HMBOX1: variants seen among roughly 807,000 people sequenced by gnomAD.
The protein encoded by HMBOX1 is homeobox-containing protein 1.
A neutral mutation model predicts 54.5 loss-of-function variants in HMBOX1; 14 were observed. The observed-to-expected ratio is 0.26, with a 90% CI of 0.17 to 0.40. The LOEUF is 0.40. Among genes scored for constraint, HMBOX1 ranks in the 10% least tolerant of loss-of-function variants. The pLI, the probability that HMBOX1 is intolerant of heterozygous loss-of-function variation, is 1.00. For missense variants in HMBOX1, 332 were observed against 514.4 expected (o/e 0.65, Z 3.43); for synonymous variants, 160 against 181.0 (o/e 0.88, Z 0.93).
intron 6 of HMBOX1, among the ~76,000 whole-genome samples, chr8:29,033,287 A>G (rs577450122): frequency 5.9e-5 from 9 of 152,238 alleles, no homozygotes; most frequent in Non-Finnish European, 1.2e-4. Context: ...TTTTAAAAGA[A>G]GTTTATCCTC....
Position 29,052,226 on chromosome 8 carries a change from T to C in HMBOX1, c.*1071T>C, listed in dbSNP as rs950804804. On this transcript the variant is annotated 3_prime_UTR_variant, in exon 10 of 10. Coordinates refer to ENST00000287701, the MANE Select transcript of HMBOX1 (RefSeq NM_001135726.3). ...GGACTTCATAGTGGGGTTGTGCTGCTTATCACAGATGCAGACACTTGCCCA... is the reference window on the plus strand; with the variant it reads ...GGACTTCATAGTGGGGTTGTGCTGCCTATCACAGATGCAGACACTTGCCCA... The C allele has an allele frequency of 2.0e-5, 3 of 152,460 alleles. No individual in the cohort carries two copies. The highest frequency in any genetic ancestry group is 4.4e-5 in the Non-Finnish European group (3 of 68,204). 9.4% of individuals were successfully genotyped at this position (152,460 alleles called of 1,614,324 possible).
At chr8:28,967,546 C>G (rs990773849) in intron 2 of HMBOX1, among the ~76,000 whole-genome samples, 2 of 152,122 alleles carry the variant, frequency 1.3e-5, no homozygotes, top group African/African-American at 4.8e-5. Context: ...TAACTAACTG[C>G]TCTGATATGA....
At chr8:28,990,606 TTTAC>T (rs1260743217) in intron 4 of HMBOX1, among the ~76,000 whole-genome samples, 1 of 152,144 alleles carries the variant, frequency 6.6e-6, no homozygotes, top group Non-Finnish European at 1.5e-5. Context: ...GGGTTTATGT[TTTAC>T]TTCCTGTGTT....
chr8:29,049,294 C>CT (rs1304002558), intron 9 of HMBOX1: 1 of 1,535,862 alleles, frequency 6.5e-7, no homozygotes, highest in Admixed American at 2.0e-5. Flanking sequence ...CAACAGGATA[C>CT]TTGGCAAGTA....
intron 4 of HMBOX1, among the ~76,000 whole-genome samples, chr8:29,004,456 T>C (rs1554567989): frequency 6.6e-6 from 1 of 152,146 alleles, no homozygotes; most frequent in Non-Finnish European, 1.5e-5. Flanking sequence ...AAATTTGTGG[T>C]ATTGGAGACT....
intron 6 of HMBOX1, among the ~76,000 whole-genome samples, chr8:29,039,257 A>G (rs775455902): frequency 1.6e-4 from 25 of 152,204 alleles, no homozygotes; most frequent in Non-Finnish European, 2.8e-4. Context: ...AGGACTCAAC[A>G]TTATTAGGTG....
intron 1 of HMBOX1, among the ~76,000 whole-genome samples, chr8:28,918,891 C>G (rs915192256): frequency 6.6e-6 from 1 of 152,160 alleles, no homozygotes; most frequent in African/African-American, 2.4e-5. Context: ...TGTGTAAAGT[C>G]ATAACCCTGT....
At chr8:28,949,813 T>G (rs1823083950) in intron 1 of HMBOX1, 1 of 152,198 alleles carries the variant, frequency 6.6e-6, no homozygotes, top group Admixed American at 6.5e-5. Context: ...ATATGTGTGG[T>G]GCTGTACTAG....
At chr8:28,949,800 AAT>A (rs1485448611) in intron 1 of HMBOX1, 1 of 152,088 alleles carries the variant, frequency 6.6e-6, no homozygotes, top group Non-Finnish European at 1.5e-5. Flanking sequence ...GGATAACAGA[AAT>A]ATATGTGTGG....
At chr8:28,939,831 C>T (rs1172130433) in intron 1 of HMBOX1, among the ~76,000 whole-genome samples, 1 of 152,016 alleles carries the variant, frequency 6.6e-6, no homozygotes, top group Non-Finnish European at 1.5e-5. Flanking sequence ...TAAAAAACAC[C>T]AGCCCTAACC....
chr8:28,934,058 T>C (rs1306677485), intron 1 of HMBOX1, among the ~76,000 whole-genome samples: 2 of 152,156 alleles, frequency 1.3e-5, no homozygotes, highest in African/African-American at 2.4e-5. Flanking sequence ...CAGAAATCCT[T>C]AATAAAATAT....
chr8:29,047,629 G>A (rs577846128), intron 8 of HMBOX1, among the ~76,000 whole-genome samples, 176 bp downstream of exon 8: 54 of 147,978 alleles, frequency 3.6e-4, no homozygotes, highest in Non-Finnish European at 6.5e-4. Context: ...GTGCAGTGGC[G>A]CGATGTTGGC....
intron 9 of HMBOX1, 96 bp downstream of exon 9, chr8:29,049,144 A>T: frequency 5.1e-6 from 7 of 1,369,120 alleles, no homozygotes; most frequent in Non-Finnish European, 6.1e-6. Context: ...GGGGTGGGGG[A>T]GGGGAAACAG....
chr8:29,051,342 A>T lies in HMBOX1; in HGVS notation c.*187A>T. 1 of 648,392 alleles carries T rather than the reference A, an allele frequency of 1.5e-6. No individual in the cohort carries two copies. The highest frequency in any genetic ancestry group is 2.7e-6 in the Non-Finnish European group (1 of 374,932). The allele number at this position is 648,392 out of a possible 1,614,324, so 40.2% of individuals were successfully genotyped here. ...CTTTGCATATACTCTCTCAGTATTAACTCCCAGTAAATAATAACCAACCAA... is the reference window on the plus strand; with the variant it reads ...CTTTGCATATACTCTCTCAGTATTATCTCCCAGTAAATAATAACCAACCAA... On this transcript the variant is annotated 3_prime_UTR_variant, in exon 10 of 10. Coordinates refer to ENST00000287701, the MANE Select transcript of HMBOX1 (RefSeq NM_001135726.3).
intron 1 of HMBOX1, among the ~76,000 whole-genome samples, chr8:28,914,165 G>GC (rs1816065134): frequency 6.6e-6 from 1 of 152,074 alleles, no homozygotes; most frequent in Admixed American, 6.5e-5. Flanking sequence ...ACCGTGCCTG[G>GC]CCTGATCTGT....
intron 4 of HMBOX1, among the ~76,000 whole-genome samples, chr8:28,999,243 G>A (rs1432076277): frequency 6.6e-6 from 1 of 152,126 alleles, no homozygotes; most frequent in Non-Finnish European, 1.5e-5. Flanking sequence ...GGTTTCTGAT[G>A]AGAAATTAGC....
intron 1 of HMBOX1, among the ~76,000 whole-genome samples, chr8:28,929,071 A>G (rs766438756): frequency 6.6e-6 from 1 of 152,220 alleles, no homozygotes; most frequent in African/African-American, 2.4e-5. Flanking sequence ...ATCATTTCAC[A>G]ATGTATACAT....
chr8:28,892,917 GTGTTT>G (rs1207878051), intron 1 of HMBOX1, among the ~76,000 whole-genome samples: 1 of 152,040 alleles, frequency 6.6e-6, no homozygotes, highest in Non-Finnish European at 1.5e-5. Context: ...ACTTAACGGA[GTGTTT>G]TGTTTTATTT....
At position 28,994,111 on chromosome 8, in the gene HMBOX1, G is replaced by A. The variant is rs113375468; in HGVS notation, c.586+13955G>A. On this transcript the variant is annotated intron_variant, in intron 4 of 9. Transcript: ENST00000287701. ...GAACTCAGGAGGTGGAGGCTGCAGC[G>A]AGCCAAGATTGCGCTACTGCAATCC... Among the ~76,000 whole-genome samples the A allele has an allele frequency of 5.2e-3, 778 of 149,792 alleles. 4 individuals are homozygous for A. Among genetic ancestry groups the A allele is most frequent in the African/African-American group, 0.017 (683 of 40,910 alleles).
Sources: gnomAD v4.1 joint callset for allele counts (sites outside exome capture counted in the v4.1 genomes callset) on GRCh38, gnomAD v4.1.1 for gene constraint, MANE v1.5 for transcripts, NCBI Gene and HGNC (gene_info 2026-07-23, HGNC 2026-07-21) for gene names.